NEIL3: variants seen among roughly 807,000 people sequenced by gnomAD.
NEIL3 encodes endonuclease 8-like 3.
NEIL3 carries 48 observed loss-of-function variants against 57.5 expected under a neutral mutation model. The ratio of observed to expected loss-of-function variants is 0.83; its 90% confidence interval spans 0.66 to 1.06. The LOEUF (loss-of-function observed/expected upper bound fraction) is 1.06. Ranked by LOEUF, NEIL3 falls within the 50% of genes least tolerant of loss-of-function variation. The pLI, the probability that NEIL3 is intolerant of heterozygous loss-of-function variation, is 0.00. For synonymous variants in NEIL3, 261 were observed against 253.2 expected, an observed-to-expected ratio of 1.03 and a Z score of -0.29; for missense variants, 717 against 739.1, an observed-to-expected ratio of 0.97 and a Z score of 0.35.
chr4:177,351,687 G>GT (rs1326539835), intron 7 of NEIL3, 138 bp downstream of exon 7: 2 of 693,646 alleles, frequency 2.9e-6, no homozygotes, highest in Non-Finnish European at 4.8e-6. Flanking sequence ...GGAATTGCCA[G>GT]TTTTCACATG....
At chr4:177,345,417 A>T (rs1321137131) in intron 6 of NEIL3, among the ~76,000 whole-genome samples, 1 of 152,056 alleles carries the variant, frequency 6.6e-6, no homozygotes, top group East Asian at 1.9e-4. Flanking sequence ...ATGTGGCTGT[A>T]GTTGGTTGCC....
chr4:177,361,320 T>A (rs2110945237), intron 9 of NEIL3, among the ~76,000 whole-genome samples: 1 of 152,324 alleles, frequency 6.6e-6, no homozygotes, highest in East Asian at 1.9e-4. Context: ...TGAGTGTGAT[T>A]CTAATGTTCA....
At chr4:177,359,541 T>A (rs537567746) in intron 8 of NEIL3, among the ~76,000 whole-genome samples, 1 of 152,252 alleles carries the variant, frequency 6.6e-6, no homozygotes, top group East Asian at 1.9e-4. Flanking sequence ...AGTTTTTTTT[T>A]AACAATTATT....
At chr4:177,348,088 A>C (rs1265512394) in intron 6 of NEIL3, among the ~76,000 whole-genome samples, 2 of 152,198 alleles carry the variant, frequency 1.3e-5, no homozygotes, top group Non-Finnish European at 2.9e-5. Context: ...ACTTCTCTGT[A>C]AGGAAACCCT....
chr4:177,366,493 G>C (rs57267555), downstream of NEIL3, among the ~76,000 whole-genome samples: 17,406 of 152,178 alleles, frequency 0.11, 1,168 homozygotes, highest in South Asian at 0.17. Flanking sequence ...CCGCTTCCTG[G>C]GTTCAACCGA....
At chr4:177,335,890 G>A (rs1734969872) in intron 3 of NEIL3, 68 bp downstream of exon 3, 1 of 1,368,032 alleles carries the variant, frequency 7.3e-7, no homozygotes, top group Non-Finnish European at 9.9e-7. Flanking sequence ...TGTCACACGT[G>A]TAACTAAAGA....
At chr4:177,322,393 A>G (rs1164475882) in intron 1 of NEIL3, 66 bp from the exon 2 acceptor site, 12 of 1,601,488 alleles carry the variant, frequency 7.5e-6, no homozygotes, top group Non-Finnish European at 1.0e-5. Context: ...TTTAAGAATT[A>G]AATAATGCTT....
At chr4:177,339,965 A>T in intron 5 of NEIL3, 108 bp downstream of exon 5, 1 of 697,998 alleles carries the variant, frequency 1.4e-6, no homozygotes, top group East Asian at 2.7e-5. Context: ...TGGAAAGAGC[A>T]TGGAGGTACA....
intron 1 of NEIL3, among the ~76,000 whole-genome samples, chr4:177,318,913 T>C (rs960980777): frequency 1.3e-5 from 2 of 152,200 alleles, no homozygotes; most frequent in African/African-American, 4.8e-5. Flanking sequence ...GCCTGACACA[T>C]AGTGGAAGGT....
intron 4 of NEIL3, among the ~76,000 whole-genome samples, chr4:177,338,976 A>G (rs972702115): frequency 1.3e-5 from 2 of 152,196 alleles, no homozygotes; most frequent in African/African-American, 4.8e-5. Context: ...ATTAAAATGT[A>G]TAAATAGGAA....
chr4:177,335,834 T>A lies in NEIL3; in HGVS notation c.413+12T>A. 6.6e-7 allele frequency: 1 copy of A among 1,524,168 alleles called. No homozygotes were observed. The highest frequency in any genetic ancestry group is 8.8e-7 in the Non-Finnish European group (1 of 1,141,166). The allele number at this position is 1,524,168 out of a possible 1,614,324, so 94.4% of individuals were successfully genotyped here. A position where few individuals can be genotyped will look rare whatever the true frequency, so the allele number is the denominator to read the frequency against. On this transcript the variant is annotated intron_variant, in intron 3 of 9. Coordinates refer to ENST00000264596, the MANE Select transcript of NEIL3 (RefSeq NM_018248.3). ...TCAGTAGAACTCAGGTAAAAAAAAT[T>A]AAATAAAAGTACTTACGCTGCAATA...
intron 8 of NEIL3, among the ~76,000 whole-genome samples, chr4:177,356,364 T>C (rs1159103548): frequency 1.3e-5 from 2 of 152,190 alleles, no homozygotes; most frequent in Non-Finnish European, 2.9e-5. Flanking sequence ...AGCCTGTGTA[T>C]GTATTGAATA....
intron 6 of NEIL3, among the ~76,000 whole-genome samples, chr4:177,349,008 C>T (rs1735293130): frequency 6.7e-6 from 1 of 148,428 alleles, no homozygotes; most frequent in Non-Finnish European, 1.5e-5. Context: ...GCTGGGACTA[C>T]AGGCACCCGT....
At chr4:177,356,254 A>C (rs1735471388) in intron 8 of NEIL3, among the ~76,000 whole-genome samples, 1 of 152,226 alleles carries the variant, frequency 6.6e-6, no homozygotes, top group South Asian at 2.1e-4. Context: ...GATTTAAAAA[A>C]ACATTAATGT....
intron 2 of NEIL3, among the ~76,000 whole-genome samples, chr4:177,334,222 CA>C (rs1408369147): frequency 4.0e-5 from 6 of 150,908 alleles, no homozygotes; most frequent in East Asian, 1.9e-4. Flanking sequence ...GATACTGATA[CA>C]TTTTTTATAG....
At chr4:177,363,907 C>T (rs57662862), downstream of NEIL3, among the ~76,000 whole-genome samples, 689 of 152,208 alleles carry the variant, frequency 4.5e-3, 8 homozygotes, top group African/African-American at 0.016. Context: ...TGTGCCAGCA[C>T]GCCGGGCTAA....
In NEIL3 at chr4:177,336,105, T is replaced by C. The variant is rs758963334; in HGVS notation, c.414-3T>C. 5.6e-6 allele frequency: 9 copies of C among 1,598,874 alleles called. No individual in the cohort carries two copies. The South Asian group carries it at 8.8e-5, about 16-fold the overall frequency. ...TTAATGTGTTTTATATTCCTTTCTATAGAAACTCAATGGAAAGCCAACAGA... is the reference window on the plus strand; with the variant it reads ...TTAATGTGTTTTATATTCCTTTCTACAGAAACTCAATGGAAAGCCAACAGA... On this transcript the variant is annotated splice_region_variant and splice_polypyrimidine_tract_variant and intron_variant, in intron 3 of 9. Coordinates refer to ENST00000264596, the MANE Select transcript of NEIL3 (RefSeq NM_018248.3).
chr4:177,355,257 A>T (rs914525548), intron 8 of NEIL3, among the ~76,000 whole-genome samples: 1 of 152,180 alleles, frequency 6.6e-6, no homozygotes. Flanking sequence ...TGCCAATGGG[A>T]GACAGGCAGA....
intron 8 of NEIL3, 38 bp downstream of exon 8, chr4:177,353,766 T>TA: frequency 6.2e-6 from 1 of 161,552 alleles, no homozygotes; most frequent in South Asian, 1.5e-4. Context: ...AGATAATTGC[T>TA]TTTTTTTTTT....
Sources: allele counts gnomAD v4.1 joint callset (sites outside exome capture counted in the v4.1 genomes callset), GRCh38; gene constraint gnomAD v4.1.1; transcripts MANE v1.5; gene names NCBI Gene and HGNC (gene_info 2026-07-23, HGNC 2026-07-21).